ARK2C: variants seen among roughly 807,000 people sequenced by gnomAD.
The protein encoded by ARK2C is arkadia (RNF111) C-terminal like ring finger ubiquitin ligase 2C.
the ARK2C span, among the ~76,000 whole-genome samples, chr18:46,356,073 A>G: frequency 6.6e-6 from 1 of 152,182 alleles, no homozygotes; most frequent in Non-Finnish European, 1.5e-5. Flanking sequence ...CCCTGGCCCA[A>G]ATCTCCACCT....
the ARK2C span, among the ~76,000 whole-genome samples, chr18:46,420,067 G>T: frequency 6.6e-6 from 1 of 152,184 alleles, no homozygotes; most frequent in African/African-American, 2.4e-5. Flanking sequence ...AAAGCAAGCA[G>T]ATATCCACTC....
chr18:46,383,644 TCCAGGGTTCATG>T, the ARK2C span, among the ~76,000 whole-genome samples: 1 of 142,394 alleles, frequency 7.0e-6, no homozygotes, highest in South Asian at 2.4e-4. Flanking sequence ...AAGCTCTGCC[TCCAGGGTTCATG>T]CCATTCTCCT....
chr18:46,337,669 C>A, the ARK2C span: 1 of 935,444 alleles, frequency 1.1e-6, no homozygotes, highest in Non-Finnish European at 1.3e-6. Context: ...TGCTTTTTCT[C>A]TTGCTGTTTT....
the ARK2C span, among the ~76,000 whole-genome samples, chr18:46,409,540 G>A: frequency 6.6e-6 from 1 of 152,098 alleles, no homozygotes; most frequent in Non-Finnish European, 1.5e-5. Context: ...ATTAGGATTG[G>A]GGGAAGCTAA....
chr18:46,366,512 G>A, the ARK2C span, among the ~76,000 whole-genome samples: 2,507 of 152,194 alleles, frequency 0.016, 74 homozygotes, highest in African/African-American at 0.057. Context: ...AATTTGGTGA[G>A]GAGGCATGGA....
chr18:46,358,246 G>A, the ARK2C span, among the ~76,000 whole-genome samples: 15 of 152,168 alleles, frequency 9.9e-5, no homozygotes, highest in African/African-American at 2.7e-4. Context: ...CATGTTTTGC[G>A]CAGGCTGGGG....
chr18:46,383,836 C>T, the ARK2C span, among the ~76,000 whole-genome samples: 1 of 152,072 alleles, frequency 6.6e-6, no homozygotes. Context: ...CAGGCGTGAG[C>T]CACCGCGCCC....
the ARK2C span, among the ~76,000 whole-genome samples, chr18:46,372,270 G>A: frequency 6.6e-6 from 1 of 152,168 alleles, no homozygotes; most frequent in African/African-American, 2.4e-5. Flanking sequence ...CCCAGTTTGA[G>A]ATGTGGTGGT....
At chr18:46,450,280 G>T in the ARK2C span, 1 of 1,583,802 alleles carries the variant, frequency 6.3e-7, no homozygotes, top group Admixed American at 1.7e-5. Context: ...TATCCAAGGC[G>T]TTTTCTACCC....
the ARK2C span, among the ~76,000 whole-genome samples, chr18:46,436,314 G>GGAGAGAGAAAGGGAGACA: frequency 6.6e-6 from 1 of 152,018 alleles, no homozygotes; most frequent in Non-Finnish European, 1.5e-5. Context: ...ACATTGTGGG[G>GGAGAGAGAAAGGGAGACA]GAGAGAGAAA....
the ARK2C span, among the ~76,000 whole-genome samples, chr18:46,418,130 C>T: frequency 6.6e-6 from 1 of 152,024 alleles, no homozygotes; most frequent in Non-Finnish European, 1.5e-5. Flanking sequence ...AGGAGGGTCA[C>T]CTGAGGCCAG....
At chr18:46,355,003 G>T in the ARK2C span, among the ~76,000 whole-genome samples, 2 of 152,162 alleles carry the variant, frequency 1.3e-5, no homozygotes, top group South Asian at 4.1e-4. Context: ...AGGCTGGAGT[G>T]CAGTGGTACA....
At chr18:46,389,690 A>C in the ARK2C span, among the ~76,000 whole-genome samples, 3 of 151,716 alleles carry the variant, frequency 2.0e-5, no homozygotes, top group Non-Finnish European at 2.9e-5. Context: ...GATTTTATTC[A>C]AGCCATAGCA....
chr18:46,375,545 C>T, the ARK2C span, among the ~76,000 whole-genome samples: 1 of 141,120 alleles, frequency 7.1e-6, no homozygotes, highest in African/African-American at 2.7e-5. Context: ...CAGAGTGAGA[C>T]TCTGTCTCTA....
chr18:46,334,240 C>T, the ARK2C span: 1 of 1,425,888 alleles, frequency 7.0e-7, no homozygotes, highest in Non-Finnish European at 9.2e-7. This position sits in a 1 kb window ranked among gnomAD's most constrained non-coding sequence, Gnocchi z 4.4. Context: ...GGCCCGCGCG[C>T]AGCCGCCGCC....
the ARK2C span, among the ~76,000 whole-genome samples, chr18:46,422,907 ACCTTTAG>A: frequency 6.6e-6 from 1 of 152,124 alleles, no homozygotes; most frequent in Non-Finnish European, 1.5e-5. Flanking sequence ...TACTGGAAAG[ACCTTTAG>A]CCTTTGACTG....
At chr18:46,344,730 A>G in the ARK2C span, among the ~76,000 whole-genome samples, 2 of 152,196 alleles carry the variant, frequency 1.3e-5, no homozygotes, top group African/African-American at 4.8e-5. Context: ...CTGAAAAGTC[A>G]GATTCTGGGA....
the ARK2C span, among the ~76,000 whole-genome samples, chr18:46,400,272 CT>C: frequency 6.6e-6 from 1 of 152,200 alleles, no homozygotes; most frequent in East Asian, 1.9e-4. Flanking sequence ...GCCTGGGGGA[CT>C]CTCTTTACTT....
At chr18:46,446,462 G>C in the ARK2C span, among the ~76,000 whole-genome samples, 5 of 151,942 alleles carry the variant, frequency 3.3e-5, no homozygotes, top group Non-Finnish European at 1.5e-5. Flanking sequence ...CTTGAAGTCA[G>C]GAGTTCAAGA....
Sources: allele counts gnomAD v4.1 joint callset (sites outside exome capture counted in the v4.1 genomes callset), GRCh38; gene constraint gnomAD v4.1.1; non-coding constraint Gnocchi (gnomAD v3.1); transcripts MANE v1.5; gene names NCBI Gene and HGNC (gene_info 2026-07-23, HGNC 2026-07-21).